Variants in RNF43 observed in about 807,000 individuals in gnomAD.
RNF43 encodes the protein E3 ubiquitin-protein ligase RNF43.
A neutral mutation model predicts 78.4 loss-of-function variants in RNF43; 37 were observed. The ratio of observed to expected loss-of-function variants is 0.47; its 90% CI spans 0.36 to 0.62. The LOEUF (loss-of-function observed/expected upper bound fraction) is 0.62. Among genes scored for constraint, RNF43 ranks in the 20% least tolerant of loss-of-function variants. The pLI is 0.00. For missense variants in RNF43, 774 were observed against 1,007.9 expected, an observed-to-expected ratio of 0.77 and a Z score of 3.14; for synonymous variants, 347 against 395.0, an observed-to-expected ratio of 0.88 and a Z score of 1.44.
downstream of RNF43, chr17:58,353,077 A>C: frequency 4.8e-6 from 1 of 209,956 alleles, no homozygotes; most frequent in Non-Finnish European, 9.7e-6. Context: ...GAGTGCAGGC[A>C]GAACGCAGTC....
Position 58,358,916 on chromosome 17 carries a change from C to T in RNF43, c.953-93G>A. The T allele has an allele frequency of 7.8e-7, 1 of 1,282,280 alleles. No homozygotes were observed. Among genetic ancestry groups the T allele is most frequent in the Non-Finnish European group, 1.0e-6 (1 of 970,104 alleles). The allele number at this position is 1,282,280 out of a possible 1,614,324, so 79.4% of individuals were successfully genotyped here. A position where few individuals can be genotyped will look rare whatever the true frequency, so the allele number is the denominator to read the frequency against. The stretch of plus-strand genomic sequence containing the variant: ...CATGGCTGTAGCTAATCTATTTGAC[C>T]CTGAGTAGCCTGTGAGCTCAGAGTT... On this transcript the variant is annotated intron_variant, in intron 8 of 9. Coordinates refer to ENST00000407977, the MANE Select transcript of RNF43 (RefSeq NM_017763.6). This position sits in a 1 kb window ranked among gnomAD's most constrained non-coding sequence, Gnocchi z 6.2.
chr17:58,381,647 C>G (rs1304418976), intron 2 of RNF43, among the ~76,000 whole-genome samples: 1 of 152,204 alleles, frequency 6.6e-6, no homozygotes, highest in Admixed American at 6.5e-5. Context: ...TTGGTGCCAG[C>G]TGGTATTTCC....
intron 2 of RNF43, among the ~76,000 whole-genome samples, chr17:58,379,921 T>C (rs529898179): frequency 6.6e-6 from 1 of 152,258 alleles, no homozygotes; most frequent in East Asian, 1.9e-4. Context: ...ACTACAAAGG[T>C]ACTAGAAAGC....
chr17:58,369,222 G>A (rs942863419), intron 3 of RNF43, among the ~76,000 whole-genome samples: 3 of 152,216 alleles, frequency 2.0e-5, no homozygotes, highest in Non-Finnish European at 4.4e-5. Context: ...AGTAGGGCAG[G>A]CAGCTGCAGC....
chr17:58,392,979 C>T lies in RNF43; in HGVS notation c.253-21946G>A, dbSNP rs750957017. ...CCTTAAACAACACAGGTTTGAACTG[C>T]GTGGATTGTCTTCTGCCTCTGACAC... On this transcript the variant is annotated intron_variant, in intron 2 of 9. Coordinates refer to ENST00000407977, the MANE Select transcript of RNF43 (RefSeq NM_017763.6). Among the ~76,000 whole-genome samples, 5 of 152,190 alleles carry T rather than the reference C, an allele frequency of 3.3e-5. No individual in the cohort carries two copies. In the East Asian group the frequency reaches 5.8e-4, roughly 18 times the overall value.
chr17:58,384,637 G>GCTTGTGAC (rs1474153504), intron 2 of RNF43, among the ~76,000 whole-genome samples: 20 of 152,154 alleles, frequency 1.3e-4, no homozygotes, highest in Admixed American at 5.2e-4. Flanking sequence ...TGCATATTGG[G>GCTTGTGAC]CTTGTGACCT....
rs1972802820 is a variant in RNF43 at position 58,360,201 on chromosome 17, G to T, written c.900C>A (p.Asp300Glu). Reference sequence around the variant, plus strand: ...AAGTCCGATGCTGATGTAACCAGGGGTCCACACAGTTACGATGGAACTCAT... The same window carrying T: ...AAGTCCGATGCTGATGTAACCAGGGTTCCACACAGTTACGATGGAACTCAT... ...CLHEFHRNCVDPWLHQHRTCP... is the reference protein window; with the variant it reads ...CLHEFHRNCVEPWLHQHRTCP... The change falls in exon 8 of 10, where the codon GAC becomes GAA. Residue 300 changes from aspartate (D) to glutamate (E), a missense_variant. Transcript: ENST00000407977. This position sits in a 1 kb window ranked among gnomAD's most constrained non-coding sequence, Gnocchi z 4.3. 3 of 1,614,080 alleles carry T rather than the reference G, an allele frequency of 1.9e-6. No homozygotes were observed. Among genetic ancestry groups the T allele is most frequent in the Non-Finnish European group, 2.5e-6 (3 of 1,180,002 alleles).
chr17:58,358,672 C>T lies in RNF43; in HGVS notation c.1104G>A (p.Arg368=), dbSNP rs1481105277. The change falls in exon 9 of 10, where the codon CGG becomes CGA. Residue 368 remains arginine (R), a synonymous_variant. Coordinates refer to ENST00000407977, the MANE Select transcript of RNF43 (RefSeq NM_017763.6). This position sits in a 1 kb window ranked among gnomAD's most constrained non-coding sequence, Gnocchi z 6.2. ...GCAGGAAGGGACCAGGTCGTGGGGG[C>T]CGAGCCACTGCACTCCGGGAAGGGC... ...LLGPSRSAVA[R]PPRPGPFLPS... The T allele has an allele frequency of 6.6e-7, 1 of 1,526,446 alleles. No individual in the cohort carries two copies. The allele number at this position is 1,526,446 out of a possible 1,614,324, so 94.6% of individuals were successfully genotyped here. A position where few individuals can be genotyped will look rare whatever the true frequency, so the allele number is the denominator to read the frequency against.
intron 2 of RNF43, among the ~76,000 whole-genome samples, chr17:58,401,090 TCC>T (rs1973788479): frequency 6.6e-6 from 1 of 152,146 alleles, no homozygotes; most frequent in Admixed American, 6.5e-5. Context: ...AGAGATATGT[TCC>T]TGATCTATTT....
At chr17:58,370,060 G>GGTTTTTTT (rs766887725) in intron 3 of RNF43, among the ~76,000 whole-genome samples, 1 of 96,238 alleles carries the variant, frequency 1.0e-5, no homozygotes, top group Admixed American at 1.1e-4. Flanking sequence ...GAAAATCTGA[G>GGTTTTTTT]TTTTTTTTTT....
At chr17:58,364,400 C>T (rs1245831582) in intron 3 of RNF43, among the ~76,000 whole-genome samples, 1 of 152,166 alleles carries the variant, frequency 6.6e-6, no homozygotes, top group Non-Finnish European at 1.5e-5. Context: ...CTTGAGGAAG[C>T]AGAATCTAGC....
intron 2 of RNF43, among the ~76,000 whole-genome samples, chr17:58,408,446 C>T (rs925471427): frequency 1.3e-5 from 2 of 152,100 alleles, no homozygotes; most frequent in African/African-American, 4.8e-5. Flanking sequence ...AGGTAAGGTC[C>T]TTTGGATGCA....
chr17:58,405,498 A>C (rs754328410), intron 2 of RNF43, among the ~76,000 whole-genome samples: 1 of 151,926 alleles, frequency 6.6e-6, no homozygotes, highest in Non-Finnish European at 1.5e-5. Flanking sequence ...CAGTCATTTG[A>C]ATGACTCTTG....
intron 5 of RNF43, 102 bp from the exon 6 acceptor site, chr17:58,362,750 T>G: frequency 1.2e-6 from 1 of 813,964 alleles, no homozygotes; most frequent in Non-Finnish European, 1.9e-6. Context: ...TAACTGGAGG[T>G]TCCCTTGAGT....
chr17:58,382,405 T>C (rs1487673590), intron 2 of RNF43, among the ~76,000 whole-genome samples: 1 of 152,200 alleles, frequency 6.6e-6, no homozygotes, highest in East Asian at 1.9e-4. Flanking sequence ...TATCAGGATA[T>C]GATTATTTTC....
rs1972747030 is a variant in RNF43, at chr17:58,358,348, A to G, written c.1428T>C (p.Ser476=). 1.9e-6 allele frequency: 3 copies of G among 1,614,022 alleles called. No homozygotes were observed. In the South Asian group the frequency reaches 3.3e-5, roughly 18 times the overall value. The change falls in exon 9 of 10, where the codon AGT becomes AGC. Residue 476 remains serine (S), a synonymous_variant. Transcript: ENST00000407977. The surrounding 1 kb of genome is among the most constrained non-coding windows in gnomAD (Gnocchi z 6.2). ...SSSGPCHGSS[S]DSVVNCTDIS... is the part of the protein sequence containing the mutation. ...TGTCCGTGCAGTTGACCACAGAGTC[A>G]CTGGAAGAGCCATGACAGGGCCCTG...
At chr17:58,356,884 C>CGCTTTT in intron 9 of RNF43, 1 of 293,950 alleles carries the variant, frequency 3.4e-6, no homozygotes, top group South Asian at 4.7e-5. Context: ...TTCCAAATGC[C>CGCTTTT]TCTTTTTTTT....
At chr17:58,403,693 T>C (rs374318621) in intron 2 of RNF43, among the ~76,000 whole-genome samples, 1 of 152,180 alleles carries the variant, frequency 6.6e-6, no homozygotes, top group Non-Finnish European at 1.5e-5. Context: ...ACTAATCAGA[T>C]GGCCCCATTT....
intron 2 of RNF43, among the ~76,000 whole-genome samples, chr17:58,390,500 A>G (rs1249995283): frequency 1.3e-5 from 2 of 152,254 alleles, no homozygotes; most frequent in Admixed American, 1.3e-4. Flanking sequence ...CAGTGAGTGT[A>G]GGATTTTATT....
Sources: gnomAD v4.1 joint callset for allele counts (sites outside exome capture counted in the v4.1 genomes callset) on GRCh38, gnomAD v4.1.1 for gene constraint, Gnocchi (gnomAD v3.1) non-coding constraint, MANE v1.5 for transcripts, NCBI Gene and HGNC (gene_info 2026-07-23, HGNC 2026-07-21) for gene names.